The following COL23A1 variants were observed in gnomAD, a reference collection of about 807,000 sequenced individuals.
COL23A1 encodes collagen alpha-1(XXIII) chain.
In COL23A1, 97 loss-of-function variants were observed where a neutral mutation model predicts 99.3. The ratio of observed to expected loss-of-function variants is 0.98; its 90% CI spans 0.83 to 1.16. The LOEUF (loss-of-function observed/expected upper bound fraction) is 1.16, where lower values mean the gene tolerates loss of function less well. Among genes scored for constraint, COL23A1 ranks in the 50% most tolerant of loss-of-function variants. The pLI is 0.00. For synonymous variants in COL23A1, 320 were observed against 308.2 expected, an observed-to-expected ratio of 1.04 and a Z score of -0.40; for missense variants, 762 against 757.4, an observed-to-expected ratio of 1.01 and a Z score of -0.07.
At chr5:178,516,260 G>A (rs1024868124) in intron 2 of COL23A1, among the ~76,000 whole-genome samples, 2 of 152,054 alleles carry the variant, frequency 1.3e-5, no homozygotes, top group African/African-American at 2.4e-5. Context: ...CAGAAGAATC[G>A]CCCAGCTCCT....
intron 2 of COL23A1, among the ~76,000 whole-genome samples, chr5:178,475,905 C>T (rs11249804): frequency 0.21 from 32,429 of 152,168 alleles, 3,897 homozygotes; most frequent in Middle Eastern, 0.28. Context: ...TCTAATTCTT[C>T]GAATTCCTTG....
chr5:178,358,246 ATGTGTG>A (rs202134540), intron 2 of COL23A1, among the ~76,000 whole-genome samples: 7 of 128,442 alleles, frequency 5.4e-5, no homozygotes, highest in South Asian at 2.6e-4. Context: ...GTGTATGTGT[ATGTGTG>A]TGTATGTATA....
At chr5:178,491,931 C>T (rs897142230) in intron 2 of COL23A1, among the ~76,000 whole-genome samples, 65 of 152,188 alleles carry the variant, frequency 4.3e-4, no homozygotes, top group African/African-American at 1.4e-3. Flanking sequence ...GACGGGGTTT[C>T]ACCATGTTGG....
intron 2 of COL23A1, among the ~76,000 whole-genome samples, chr5:178,405,752 T>C (rs1019186473): frequency 6.6e-6 from 1 of 152,106 alleles, no homozygotes; most frequent in African/African-American, 2.4e-5. Flanking sequence ...GAGAACAAAC[T>C]AAAAACCACT....
At chr5:178,291,715 G>A (rs1027175625) in intron 3 of COL23A1, among the ~76,000 whole-genome samples, 3 of 152,116 alleles carry the variant, frequency 2.0e-5, no homozygotes, top group African/African-American at 7.2e-5. Context: ...GATGCGCTGA[G>A]GTGTCCCCAT....
At chr5:178,401,452 G>A in intron 2 of COL23A1, among the ~76,000 whole-genome samples, 1 of 152,214 alleles carries the variant, frequency 6.6e-6, no homozygotes, top group East Asian at 1.9e-4. Flanking sequence ...TCTTGGCATA[G>A]CGCATTTGAG....
chr5:178,256,464 G>GC, intron 14 of COL23A1, 67 bp from the exon 15 acceptor site: 1 of 1,456,798 alleles, frequency 6.9e-7, no homozygotes, highest in Non-Finnish European at 9.3e-7. Context: ...CCACGACCCT[G>GC]CCCCCAGTCC....
chr5:178,263,286 C>A lies in COL23A1; in HGVS notation c.561G>T (p.Gly187=). The part of the protein sequence containing the change: ...QGQDGAAGPP[G]PPGPPGARGP... ...CCCGGGCCCCAGGAGGTCCAGGGGGCCCCGGAGGCCCAGCAGCTCCATCTT... is the reference window on the plus strand; with the variant it reads ...CCCGGGCCCCAGGAGGTCCAGGGGGACCCGGAGGCCCAGCAGCTCCATCTT... The change falls in exon 9 of 29, where the codon GGG becomes GGT. Residue 187 remains glycine, a synonymous_variant. Coordinates refer to ENST00000390654, the MANE Select transcript of COL23A1 (RefSeq NM_173465.4). 1.9e-6 allele frequency: 3 copies of A among 1,608,202 alleles called. No homozygotes were observed. Among genetic ancestry groups the A allele is most frequent in the Non-Finnish European group, 2.5e-6 (3 of 1,178,086 alleles).
intron 27 of COL23A1, among the ~76,000 whole-genome samples, chr5:178,240,231 A>G (rs1297471296): frequency 6.6e-6 from 1 of 152,186 alleles, no homozygotes; most frequent in African/African-American, 2.4e-5. Context: ...GGCGCAAAAC[A>G]TGTCATTCTG....
intron 3 of COL23A1, among the ~76,000 whole-genome samples, chr5:178,298,273 C>T (rs1239123365): frequency 6.6e-6 from 1 of 152,182 alleles, no homozygotes; most frequent in African/African-American, 2.4e-5. Context: ...TGCCCATTCA[C>T]ACCTCGGGGT....
At chr5:178,388,489 T>TTAAGGGGAAG (rs1435479119) in intron 2 of COL23A1, among the ~76,000 whole-genome samples, 52 of 152,300 alleles carry the variant, frequency 3.4e-4, no homozygotes, top group Non-Finnish European at 6.8e-4. Flanking sequence ...CTTCAGCGGC[T>TTAAGGGGAAG]CCTCCCAAGT....
At chr5:178,299,749 TTTATTTATTTAC>T (rs143530032) in intron 3 of COL23A1, among the ~76,000 whole-genome samples, 5,332 of 151,972 alleles carry the variant, frequency 0.035, 316 homozygotes, top group African/African-American at 0.12. Context: ...TTATTTCATA[TTTATTTATTTAC>T]TTATTTATTT....
intron 6 of COL23A1, 60 bp downstream of exon 6, chr5:178,270,277 C>A: frequency 6.2e-7 from 1 of 1,606,074 alleles, no homozygotes; most frequent in East Asian, 2.2e-5. Flanking sequence ...CTGGTCACTC[C>A]TAGCCCCACG....
chr5:178,294,200 G>T (rs1213114434), intron 3 of COL23A1, among the ~76,000 whole-genome samples: 1 of 151,738 alleles, frequency 6.6e-6, no homozygotes, highest in Non-Finnish European at 1.5e-5. Flanking sequence ...ACCCAGTGGT[G>T]CCTTCCACGT....
intron 2 of COL23A1, among the ~76,000 whole-genome samples, chr5:178,462,587 C>T (rs1249693983): frequency 1.3e-5 from 2 of 152,144 alleles, no homozygotes; most frequent in African/African-American, 4.8e-5. Flanking sequence ...TTGTGCTATT[C>T]AGTATCCTCC....
intron 8 of COL23A1, among the ~76,000 whole-genome samples, chr5:178,264,782 G>A (rs1468453477): frequency 6.6e-6 from 1 of 152,118 alleles, no homozygotes; most frequent in Non-Finnish European, 1.5e-5. Context: ...TCAGCCTCCC[G>A]AGTAGGTGGG....
chr5:178,469,597 G>A (rs1339172918), intron 2 of COL23A1, among the ~76,000 whole-genome samples: 2 of 151,842 alleles, frequency 1.3e-5, no homozygotes, highest in Non-Finnish European at 2.9e-5. Flanking sequence ...CGGGGGAGCT[G>A]GGCTCCCCCG....
At position 178,372,930 on chromosome 5, in the gene COL23A1, CTT is replaced by C. The variant is rs1183891249; in HGVS notation, c.362-66013_362-66012del. On this transcript the variant is annotated intron_variant, in intron 2 of 28. Transcript: ENST00000390654. ...TTTTTCTTTCTTTCTCTTTTTCTTTCTTTTTTTTTTTTTTTTTGAGACAGAGT... is the reference window on the plus strand; with the variant it reads ...TTTTTCTTTCTTTCTCTTTTTCTTTCTTTTTTTTTTTTTTTGAGACAGAGT... Among the ~76,000 whole-genome samples the C allele has an allele frequency of 6.8e-3, 398 of 58,822 alleles. 1 individual carries two copies. Among genetic ancestry groups the C allele is most frequent in the Non-Finnish European group, 9.0e-3 (297 of 33,000 alleles). 38.6% of individuals were successfully genotyped at this position (58,822 alleles called of 152,430 possible). A position where few individuals can be genotyped will look rare whatever the true frequency, so the allele number is the denominator to read the frequency against.
At chr5:178,498,925 TA>T (rs36048620) in intron 2 of COL23A1, among the ~76,000 whole-genome samples, 54,611 of 144,864 alleles carry the variant, frequency 0.38, 10,920 homozygotes, top group Admixed American at 0.51. Context: ...CCATCTCTTC[TA>T]AAAAAAAAAA....
Sources: gnomAD v4.1 joint callset for allele counts (sites outside exome capture counted in the v4.1 genomes callset) on GRCh38, gnomAD v4.1.1 for gene constraint, MANE v1.5 for transcripts, NCBI Gene and HGNC (gene_info 2026-07-23, HGNC 2026-07-21) for gene names.